RANBP17: variants seen among roughly 807,000 people sequenced by gnomAD.
RANBP17 encodes RAN binding protein 17.
Under a neutral mutation model 141.2 loss-of-function variants are expected in RANBP17, and 158 were observed. The ratio of observed to expected loss-of-function variants is 1.12; its 90% CI spans 0.98 to 1.28. The LOEUF is 1.28. RANBP17 is among the 50% of genes most tolerant of loss of function. The pLI, the probability that RANBP17 is intolerant of heterozygous loss-of-function variation, is 0.00. For synonymous variants in RANBP17, 430 were observed against 450.0 expected, an observed-to-expected ratio of 0.96 and a Z score of 0.56; for missense variants, 1,438 against 1,290.7, an observed-to-expected ratio of 1.11 and a Z score of -1.75.
chr5:171,154,892 A>G (rs1482125683), intron 14 of RANBP17, among the ~76,000 whole-genome samples: 1 of 151,780 alleles, frequency 6.6e-6, no homozygotes, highest in Middle Eastern at 3.2e-3. Flanking sequence ...CCTGGCCAAC[A>G]TAATGAAACC....
At chr5:171,185,032 A>G (rs1761139539) in intron 18 of RANBP17, among the ~76,000 whole-genome samples, 1 of 152,078 alleles carries the variant, frequency 6.6e-6, no homozygotes, top group Non-Finnish European at 1.5e-5. Context: ...CATGGTGGCA[A>G]ATACCTTGTA....
rs368952810 is a variant in RANBP17 at position 170,942,667 on chromosome 5, A to T, written c.1469-10930A>T. Among the ~76,000 whole-genome samples the T allele has an allele frequency of 2.0e-5, 3 of 152,322 alleles. No homozygotes were observed. The East Asian group carries it at 5.8e-4, about 29-fold the overall frequency. On this transcript the variant is annotated intron_variant, in intron 12 of 27. Transcript: ENST00000523189. ...GTAAGGGGACAAGCTCGGGAATGGT[A>T]TGGAGGTAGATGTGACAGTATTGCT...
intron 18 of RANBP17, among the ~76,000 whole-genome samples, chr5:171,198,065 G>A (rs1234891217): frequency 1.3e-5 from 2 of 152,180 alleles, no homozygotes; most frequent in African/African-American, 4.8e-5. Context: ...AATGCTATGG[G>A]AATCCAAAGG....
chr5:170,915,801 A>G (rs1344233653), intron 8 of RANBP17, among the ~76,000 whole-genome samples: 1 of 152,002 alleles, frequency 6.6e-6, no homozygotes, highest in Non-Finnish European at 1.5e-5. Flanking sequence ...TTTCCCAAAC[A>G]TACTGTACCA....
intron 22 of RANBP17, among the ~76,000 whole-genome samples, chr5:171,222,677 A>G (rs1346015233): frequency 6.6e-6 from 1 of 152,016 alleles, no homozygotes; most frequent in African/African-American, 2.4e-5. Flanking sequence ...CCCAGACTGG[A>G]CAGTGCAGTG....
At chr5:170,966,415 G>T (rs1450489132) in intron 13 of RANBP17, among the ~76,000 whole-genome samples, 2 of 152,064 alleles carry the variant, frequency 1.3e-5, no homozygotes, top group Non-Finnish European at 2.9e-5. Flanking sequence ...ATGTAATCCA[G>T]CATATAAACA....
chr5:170,903,206 A>T (rs1286453575), intron 5 of RANBP17, among the ~76,000 whole-genome samples: 2 of 152,210 alleles, frequency 1.3e-5, no homozygotes, highest in Non-Finnish European at 2.9e-5. Flanking sequence ...CGCAGAGAAG[A>T]GGAATCTACA....
At position 170,874,303 on chromosome 5, in the gene RANBP17, A is replaced by G. The variant is rs1767988865; in HGVS notation, c.19-3794A>G. On this transcript the variant is annotated intron_variant, in intron 1 of 27. Transcript: ENST00000523189. ...ACCATGTGGCACTAGAAGAATGTATATTCTGTTTTGGGGTGGAGAGTTCTG... is the reference window on the plus strand; with the variant it reads ...ACCATGTGGCACTAGAAGAATGTATGTTCTGTTTTGGGGTGGAGAGTTCTG... Among the ~76,000 whole-genome samples the G allele has an allele frequency of 2.0e-5, 3 of 152,278 alleles. No individual in the cohort carries two copies. The South Asian group carries it at 6.2e-4, about 32-fold the overall frequency.
intron 14 of RANBP17, among the ~76,000 whole-genome samples, chr5:171,136,316 C>T (rs973373359): frequency 3.3e-5 from 5 of 152,064 alleles, no homozygotes; most frequent in African/African-American, 9.7e-5. Context: ...AGAATATCAA[C>T]TGGATGTTCA....
At chr5:171,062,979 C>T (rs1218167656) in intron 14 of RANBP17, among the ~76,000 whole-genome samples, 13 of 152,044 alleles carry the variant, frequency 8.6e-5, no homozygotes, top group African/African-American at 2.4e-4. Flanking sequence ...GCATTCTTCA[C>T]GTAGTTCTCG....
intron 12 of RANBP17, among the ~76,000 whole-genome samples, chr5:170,944,325 G>T (rs1056054927): frequency 6.6e-6 from 1 of 152,196 alleles, no homozygotes. Context: ...AGAGTGCAGT[G>T]GTGCGATCTC....
chr5:171,274,488 A>G (rs1767372382), intron 25 of RANBP17, among the ~76,000 whole-genome samples: 1 of 152,204 alleles, frequency 6.6e-6, no homozygotes, highest in Non-Finnish European at 1.5e-5. Flanking sequence ...TTTTTATTAT[A>G]GAAATATTTG....
chr5:171,026,681 A>G (rs2127611693), intron 14 of RANBP17, among the ~76,000 whole-genome samples: 1 of 152,340 alleles, frequency 6.6e-6, no homozygotes, highest in East Asian at 1.9e-4. Context: ...GGATCTTTGA[A>G]GATATTCTGT....
intron 12 of RANBP17, 148 bp downstream of exon 12, chr5:170,924,698 G>T: frequency 1.0e-5 from 5 of 496,526 alleles, no homozygotes; most frequent in Non-Finnish European, 1.7e-5. Context: ...TAACCTCCTG[G>T]GTATATTGGT....
chr5:170,966,021 T>C (rs1344882560), intron 13 of RANBP17, among the ~76,000 whole-genome samples: 1 of 152,084 alleles, frequency 6.6e-6, no homozygotes, highest in Non-Finnish European at 1.5e-5. Flanking sequence ...AATAGACCAA[T>C]AACAGGCTCT....
intron 14 of RANBP17, among the ~76,000 whole-genome samples, chr5:171,085,211 A>G (rs947017088): frequency 7.1e-6 from 1 of 140,542 alleles, no homozygotes; most frequent in Non-Finnish European, 1.5e-5. Context: ...ACCATTTATT[A>G]AATAGGGAAT....
intron 14 of RANBP17, among the ~76,000 whole-genome samples, chr5:171,015,301 A>G (rs1264359251): frequency 6.6e-6 from 1 of 151,978 alleles, no homozygotes; most frequent in Non-Finnish European, 1.5e-5. Flanking sequence ...TTATTAGACC[A>G]CTTGATGTTG....
At chr5:171,011,465 T>C (rs550673667) in intron 14 of RANBP17, among the ~76,000 whole-genome samples, 1 of 152,002 alleles carries the variant, frequency 6.6e-6, no homozygotes. Context: ...TTTTTCATGA[T>C]AATTATGGAA....
chr5:171,266,641 A>G (rs1766705140), intron 25 of RANBP17, among the ~76,000 whole-genome samples: 1 of 152,134 alleles, frequency 6.6e-6, no homozygotes. Flanking sequence ...TAGGCCAGGC[A>G]CGGTGGTCAT....
Sources: allele counts gnomAD v4.1 joint callset (sites outside exome capture counted in the v4.1 genomes callset), GRCh38; gene constraint gnomAD v4.1.1; transcripts MANE v1.5; gene names NCBI Gene and HGNC (gene_info 2026-07-23, HGNC 2026-07-21).